Variants in CDC16 observed in about 807,000 individuals in gnomAD.
CDC16 encodes cell division cycle 16, also known as cell division cycle protein 16 homolog.
CDC16 carries 34 observed loss-of-function variants against 87.0 expected under a neutral mutation model. The ratio of observed to expected loss-of-function variants is 0.39; its 90% CI spans 0.30 to 0.52. The LOEUF is 0.52. Among genes scored for constraint, CDC16 ranks in the 20% least tolerant of loss-of-function variants. CDC16 has a pLI of 0.74. For synonymous variants in CDC16, 263 were observed against 260.6 expected, an observed-to-expected ratio of 1.01 and a Z score of -0.09; for missense variants, 653 against 751.9, an observed-to-expected ratio of 0.87 and a Z score of 1.54.
chr13:114,269,686 A>G (rs967804426), intron 17 of CDC16, among the ~76,000 whole-genome samples: 14 of 152,108 alleles, frequency 9.2e-5, no homozygotes, highest in African/African-American at 3.1e-4. Flanking sequence ...AACATGCATC[A>G]GTTTCACAGA....
chr13:114,248,657 G>A (rs1025909887), intron 11 of CDC16, among the ~76,000 whole-genome samples: 5 of 152,052 alleles, frequency 3.3e-5, no homozygotes, highest in African/African-American at 9.6e-5. Context: ...CTCCAGCCTC[G>A]CCGACAGAGT....
intron 10 of CDC16, 70 bp from the exon 11 acceptor site, chr13:114,246,861 A>G: frequency 1.1e-6 from 1 of 912,532 alleles, no homozygotes; most frequent in Admixed American, 1.7e-5. Context: ...TGTCTACCCT[A>G]ATTTGTTGCA....
At chr13:114,265,381 C>G (rs895059907) in intron 17 of CDC16, 141 bp downstream of exon 17, 1 of 610,032 alleles carries the variant, frequency 1.6e-6, no homozygotes, top group African/African-American at 1.9e-5. Context: ...ACAAGAAACT[C>G]CATTTATTTT....
intron 13 of CDC16, among the ~76,000 whole-genome samples, chr13:114,257,648 G>C (rs1168409410): frequency 1.3e-5 from 2 of 152,158 alleles, no homozygotes; most frequent in Non-Finnish European, 2.9e-5. Flanking sequence ...TTCCTGGTCA[G>C]TGTAGGCTTT....
At chr13:114,262,337 A>G (rs1223615465) in intron 15 of CDC16, among the ~76,000 whole-genome samples, 1 of 152,262 alleles carries the variant, frequency 6.6e-6, no homozygotes, top group East Asian at 1.9e-4. Flanking sequence ...AGATTTAACA[A>G]GTATTTCTAT....
intron 5 of CDC16, 132 bp from the exon 6 acceptor site, chr13:114,241,989 C>A: frequency 1.0e-6 from 1 of 986,044 alleles, no homozygotes; most frequent in Non-Finnish European, 1.5e-6. Flanking sequence ...GAGTTCAAGG[C>A]TGCAGTGAGC....
chr13:114,263,316 C>T (rs1381144909), intron 16 of CDC16, among the ~76,000 whole-genome samples: 2 of 152,154 alleles, frequency 1.3e-5, no homozygotes, highest in Non-Finnish European at 1.5e-5. Flanking sequence ...TTTGGGAACT[C>T]GCAGTCTTTC....
At chr13:114,236,962 G>A (rs1333786783) in intron 3 of CDC16, 66 bp downstream of exon 3, 9 of 1,072,100 alleles carry the variant, frequency 8.4e-6, no homozygotes, top group African/African-American at 4.9e-5. Flanking sequence ...GTGGCCGGGC[G>A]CGGTGGCTTA....
chr13:114,238,693 C>G (rs1013146782), intron 3 of CDC16, among the ~76,000 whole-genome samples: 9 of 152,252 alleles, frequency 5.9e-5, no homozygotes, highest in African/African-American at 2.2e-4. Context: ...ATGTTTACTT[C>G]TCCACCTGGT....
chr13:114,251,060 TCTA>T (rs1421818674), intron 12 of CDC16, among the ~76,000 whole-genome samples: 1 of 152,238 alleles, frequency 6.6e-6, no homozygotes, highest in African/African-American at 2.4e-5. Context: ...TTGCCAGTAT[TCTA>T]GATTTATATC....
At chr13:114,239,290 G>C (rs2081420876) in intron 4 of CDC16, 60 bp from the exon 5 acceptor site, 2 of 1,546,862 alleles carry the variant, frequency 1.3e-6, no homozygotes, top group Non-Finnish European at 8.8e-7. Flanking sequence ...TAAAAATTCG[G>C]ATCATGTGTT....
intron 17 of CDC16, among the ~76,000 whole-genome samples, chr13:114,267,648 G>A (rs1165280215): frequency 1.1e-4 from 17 of 152,120 alleles, no homozygotes; most frequent in Non-Finnish European, 2.9e-5. Flanking sequence ...AATATAGGTT[G>A]TTTCTTTAAA....
chr13:114,243,102 C>T (rs1489838569), intron 6 of CDC16, among the ~76,000 whole-genome samples, 155 bp from the exon 7 acceptor site: 1 of 152,190 alleles, frequency 6.6e-6, no homozygotes, highest in Non-Finnish European at 1.5e-5. Flanking sequence ...GGCCTGGAGC[C>T]ACTGTGTCAG....
chr13:114,248,982 G>C (rs1252287638), intron 11 of CDC16, among the ~76,000 whole-genome samples: 2 of 151,884 alleles, frequency 1.3e-5, no homozygotes, highest in Admixed American at 6.6e-5. Flanking sequence ...AGGGTGGGGG[G>C]ACTGGTTTCT....
intron 3 of CDC16, among the ~76,000 whole-genome samples, chr13:114,237,306 T>G (rs929640462): frequency 1.3e-5 from 2 of 152,184 alleles, no homozygotes; most frequent in Non-Finnish European, 2.9e-5. Flanking sequence ...TTTCTTTGTT[T>G]TTGTTTTTTT....
At chr13:114,247,115 G>GTTT in intron 11 of CDC16, 111 bp downstream of exon 11, 2 of 547,812 alleles carry the variant, frequency 3.7e-6, no homozygotes, top group South Asian at 4.8e-5. Flanking sequence ...AAGAATAAAT[G>GTTT]TTTTTTTTTT....
At chr13:114,259,095 A>T (rs77480499) in intron 13 of CDC16, among the ~76,000 whole-genome samples, 9 of 115,138 alleles carry the variant, frequency 7.8e-5, no homozygotes, top group Non-Finnish European at 1.3e-4. Context: ...TGAGACTCTT[A>T]AAAAAAAAAA....
At chr13:114,269,959 G>T (rs1432109208) in intron 17 of CDC16, among the ~76,000 whole-genome samples, 1 of 152,196 alleles carries the variant, frequency 6.6e-6, no homozygotes, top group Non-Finnish European at 1.5e-5. Flanking sequence ...GCCCGCCTCA[G>T]TCTCCGAAAG....
chr13:114,236,226 T>C (rs746319702), intron 1 of CDC16, among the ~76,000 whole-genome samples: 10 of 152,230 alleles, frequency 6.6e-5, no homozygotes, highest in Non-Finnish European at 1.3e-4. Flanking sequence ...CACTGTGTTA[T>C]ATAAGGTATT....
Sources: gnomAD v4.1 joint callset for allele counts (sites outside exome capture counted in the v4.1 genomes callset) on GRCh38, gnomAD v4.1.1 for gene constraint, MANE v1.5 for transcripts, NCBI Gene and HGNC (gene_info 2026-07-23, HGNC 2026-07-21) for gene names.